The following AFF3 variants were observed in gnomAD, a reference collection of about 807,000 sequenced individuals.
AFF3 encodes AF4/FMR2 family member 3.
A neutral mutation model predicts 129.7 loss-of-function variants in AFF3; 32 were observed. The ratio of observed to expected loss-of-function variants is 0.25; its 90% CI spans 0.19 to 0.33. AFF3 has a LOEUF of 0.33. Ranked by LOEUF, AFF3 falls within the 10% of genes least tolerant of loss-of-function variation. AFF3 has a pLI of 1.00. For missense variants in AFF3, 1,373 were observed against 1,592.0 expected (o/e 0.86, Z 2.34); for synonymous variants, 644 against 635.4 (o/e 1.01, Z -0.20).
intron 4 of AFF3, among the ~76,000 whole-genome samples, chr2:100,066,553 T>C (rs566304204): frequency 2.0e-3 from 299 of 152,278 alleles, no homozygotes; most frequent in African/African-American, 6.9e-3. Context: ...TGGCACATTA[T>C]AGACATACAG....
At chr2:99,645,553 C>T (rs1684622582) in intron 13 of AFF3, among the ~76,000 whole-genome samples, 1 of 151,982 alleles carries the variant, frequency 6.6e-6, no homozygotes, top group African/African-American at 2.4e-5. Context: ...CACTGCTGGG[C>T]GGGAGGCGCA....
intron 7 of AFF3, among the ~76,000 whole-genome samples, chr2:99,973,397 T>TA (rs1353283232): frequency 6.6e-6 from 1 of 152,218 alleles, no homozygotes; most frequent in Non-Finnish European, 1.5e-5. Context: ...AGAGAACAGA[T>TA]AAGCAAGTCG....
intron 4 of AFF3, among the ~76,000 whole-genome samples, chr2:100,049,352 G>A (rs1374574350): frequency 6.6e-6 from 1 of 152,120 alleles, no homozygotes; most frequent in African/African-American, 2.4e-5. Context: ...GACCTAGCCT[G>A]GACTTTTCAA....
At chr2:99,662,268 G>A (rs1012416528) in intron 12 of AFF3, among the ~76,000 whole-genome samples, 2 of 152,102 alleles carry the variant, frequency 1.3e-5, no homozygotes, top group African/African-American at 2.4e-5. Context: ...CTTCATATAC[G>A]GATATGAAAA....
At chr2:99,989,681 G>A (rs1157284363) in intron 7 of AFF3, among the ~76,000 whole-genome samples, 1 of 152,110 alleles carries the variant, frequency 6.6e-6, no homozygotes, top group Non-Finnish European at 1.5e-5. Context: ...TGAATCATGG[G>A]CTCAGGTTTG....
At chr2:99,706,794 T>C (rs557317402) in intron 11 of AFF3, among the ~76,000 whole-genome samples, 3 of 152,320 alleles carry the variant, frequency 2.0e-5, no homozygotes, top group Non-Finnish European at 2.9e-5. Context: ...GTCTCGCATA[T>C]AGCTGTTTGG....
intron 4 of AFF3, among the ~76,000 whole-genome samples, chr2:100,070,473 T>C (rs144687899): frequency 1.3e-5 from 2 of 152,354 alleles, no homozygotes; most frequent in Non-Finnish European, 2.9e-5. Flanking sequence ...GATGCAATCA[T>C]AGCCTTTCAT....
Position 99,752,276 on chromosome 2 carries a change from G to A in AFF3, c.947C>T (p.Ser316Phe). ...CACTTTGCCAGGTGCTTGAATAGCAGAAAGTGGTGGAAGCCAGGTCATCTC... is the reference window on the plus strand; with the variant it reads ...CACTTTGCCAGGTGCTTGAATAGCAAAAAGTGGTGGAAGCCAGGTCATCTC... The part of the protein sequence containing the change: ...IREMTWLPPL[S>F]AIQAPGKVEP... Residue 316 changes from serine to phenylalanine, a missense_variant, in exon 9 of 25, where the codon TCT (serine) becomes TTT (phenylalanine). Physicochemically the swap from Ser to Phe is radical, Grantham distance 155 (BLOSUM62 -2). Coordinates refer to ENST00000672756, the MANE Select transcript of AFF3 (RefSeq NM_001386135.1). The A allele has an allele frequency of 1.9e-6, 3 of 1,614,050 alleles. No homozygotes were observed. Among genetic ancestry groups the A allele is most frequent in the South Asian group, 1.1e-5 (1 of 91,072 alleles).
intron 4 of AFF3, among the ~76,000 whole-genome samples, chr2:100,063,847 T>C (rs921658762): frequency 2.6e-5 from 4 of 152,088 alleles, no homozygotes; most frequent in African/African-American, 4.8e-5. Context: ...CCCAGAACTT[T>C]GGGAGGCTGA....
intron 7 of AFF3, among the ~76,000 whole-genome samples, chr2:99,853,826 C>T (rs988398851): frequency 6.6e-6 from 1 of 152,104 alleles, no homozygotes; most frequent in African/African-American, 2.4e-5. Context: ...CCCATCTCTG[C>T]AAAAACATTG....
chr2:100,117,038 T>C (rs1270723682), intron 2 of AFF3, among the ~76,000 whole-genome samples: 1 of 152,184 alleles, frequency 6.6e-6, no homozygotes, highest in Non-Finnish European at 1.5e-5. Flanking sequence ...AAACCCCTTT[T>C]TCCTCTGTCT....
intron 8 of AFF3, among the ~76,000 whole-genome samples, chr2:99,828,178 A>C (rs1688237476): frequency 6.6e-6 from 1 of 152,168 alleles, no homozygotes; most frequent in Non-Finnish European, 1.5e-5. Flanking sequence ...AATTGGGAGA[A>C]AAGTGTCTTA....
At chr2:99,672,111 G>T (rs9679481) in intron 12 of AFF3, among the ~76,000 whole-genome samples, 1 of 150,454 alleles carries the variant, frequency 6.6e-6, no homozygotes, top group Non-Finnish European at 1.5e-5. Flanking sequence ...TTAATGTTAC[G>T]GATTGCCTGT....
chr2:99,956,098 T>C (rs1158615691), intron 7 of AFF3, among the ~76,000 whole-genome samples: 2 of 151,546 alleles, frequency 1.3e-5, no homozygotes, highest in African/African-American at 4.9e-5. Context: ...TCCAATTGTA[T>C]TTCATCTTCC....
chr2:100,031,431 T>C (rs1029877457), intron 4 of AFF3, among the ~76,000 whole-genome samples: 1 of 152,178 alleles, frequency 6.6e-6, no homozygotes, highest in Non-Finnish European at 1.5e-5. Flanking sequence ...GGGTTACATA[T>C]AGAAATGTAT....
At chr2:100,116,850 TTC>T (rs1691755050) in intron 2 of AFF3, among the ~76,000 whole-genome samples, 3 of 152,150 alleles carry the variant, frequency 2.0e-5, no homozygotes, top group Admixed American at 1.3e-4. Context: ...TGGTGAACAA[TTC>T]TCTGTTTCTT....
chr2:99,729,149 T>C (rs1679601881), intron 10 of AFF3, among the ~76,000 whole-genome samples: 1 of 152,190 alleles, frequency 6.6e-6, no homozygotes, highest in Admixed American at 6.5e-5. Flanking sequence ...TCCATCTTAA[T>C]GAAGAATGTA....
chr2:99,930,075 C>T (rs1374588425), intron 7 of AFF3, among the ~76,000 whole-genome samples: 1 of 152,122 alleles, frequency 6.6e-6, no homozygotes, highest in Non-Finnish European at 1.5e-5. Flanking sequence ...AAAGAAAACA[C>T]TGATTCTGGG....
At chr2:99,974,006 C>T (rs1046311874) in intron 7 of AFF3, among the ~76,000 whole-genome samples, 1 of 152,186 alleles carries the variant, frequency 6.6e-6, no homozygotes, top group Non-Finnish European at 1.5e-5. Context: ...TTAAACATAA[C>T]TTCCAAAGAA....
Sources: gnomAD v4.1 joint callset for allele counts (sites outside exome capture counted in the v4.1 genomes callset) on GRCh38, gnomAD v4.1.1 for gene constraint, MANE v1.5 for transcripts, NCBI Gene and HGNC (gene_info 2026-07-23, HGNC 2026-07-21) for gene names.